PCYT1B: variants seen among roughly 807,000 people sequenced by gnomAD.
PCYT1B encodes phosphate cytidylyltransferase 1B, choline, also known as choline-phosphate cytidylyltransferase B.
PCYT1B carries 10 observed loss-of-function variants against 26.4 expected under a neutral mutation model. The ratio of observed to expected loss-of-function variants is 0.38; its 90% confidence interval spans 0.23 to 0.64. The LOEUF is 0.64. Ranked by LOEUF, PCYT1B falls within the 30% of genes least tolerant of loss-of-function variation. The pLI, the probability that PCYT1B is intolerant of heterozygous loss-of-function variation, is 0.56. For synonymous variants in PCYT1B, 131 were observed against 108.4 expected (o/e 1.21, Z -1.29); for missense variants, 161 against 292.7 (o/e 0.55, Z 3.28).
chrX:24,588,154 A>G (rs1228246388), intron 4 of PCYT1B, among the ~76,000 whole-genome samples: 3 of 108,393 alleles, frequency 2.8e-5, no homozygotes, highest in African/African-American at 1.0e-4. Flanking sequence ...TTCTGCTGGG[A>G]TGTGTGTGTG....
chrX:24,605,522 C>T (rs1420700050), intron 3 of PCYT1B, among the ~76,000 whole-genome samples: 3 of 112,255 alleles, frequency 2.7e-5, no homozygotes, highest in Non-Finnish European at 5.6e-5. Flanking sequence ...GACTGCCTCT[C>T]CCTCAGACTG....
intron 1 of PCYT1B, among the ~76,000 whole-genome samples, chrX:24,670,048 A>AAAAGAAAGAGAG (rs1927207322): frequency 5.2e-5 from 3 of 58,046 alleles, no homozygotes; most frequent in African/African-American, 1.8e-4. Flanking sequence ...GTCTCAAAAA[A>AAAAGAAAGAGAG]AAAGAAAGAA....
intron 1 of PCYT1B, among the ~76,000 whole-genome samples, chrX:24,667,551 T>C (rs1927152545): frequency 9.1e-6 from 1 of 110,470 alleles, no homozygotes; most frequent in South Asian, 4.0e-4. Context: ...ATCCCGTCTC[T>C]ACTAAAAGTA....
At chrX:24,602,885 C>T (rs1412602562) in intron 3 of PCYT1B, among the ~76,000 whole-genome samples, 2 of 111,122 alleles carry the variant, frequency 1.8e-5, no homozygotes, top group African/African-American at 6.5e-5. Context: ...CTCCCTGAAA[C>T]CTCCACCTCC....
chrX:24,620,763 G>A (rs964271058), intron 1 of PCYT1B, among the ~76,000 whole-genome samples: 5 of 112,417 alleles, frequency 4.4e-5, no homozygotes, highest in Non-Finnish European at 7.5e-5. Flanking sequence ...AACTGAAACT[G>A]TGGAAAAGCA....
intron 1 of PCYT1B, among the ~76,000 whole-genome samples, chrX:24,631,506 A>T (rs1230346968): frequency 9.0e-6 from 1 of 111,275 alleles, no homozygotes; most frequent in Non-Finnish European, 1.9e-5. Flanking sequence ...ATGACCTTTC[A>T]TTATAACGTG....
At chrX:24,664,668 C>T (rs1927090954) in intron 1 of PCYT1B, among the ~76,000 whole-genome samples, 1 of 112,027 alleles carries the variant, frequency 8.9e-6, no homozygotes, top group Admixed American at 9.5e-5. Flanking sequence ...TTAAAATAGC[C>T]CATCTTTGGC....
At chrX:24,651,475 ATATATATAT>A (rs1569257975), upstream of PCYT1B, among the ~76,000 whole-genome samples, 566 of 30,580 alleles carry the variant, frequency 0.019, 13 homozygotes, top group Non-Finnish European at 0.024. Flanking sequence ...AAAAAAAAAT[ATATATATAT>A]ATATATATAT....
intron 1 of PCYT1B, among the ~76,000 whole-genome samples, chrX:24,623,967 CTTTTT>C (rs1347821643): frequency 1.2e-5 from 1 of 85,260 alleles, no homozygotes. Flanking sequence ...CTAAGCTATA[CTTTTT>C]TTTTTTTTTT....
upstream of PCYT1B, among the ~76,000 whole-genome samples, chrX:24,648,043 T>C (rs1926683613): frequency 8.9e-6 from 1 of 112,374 alleles, no homozygotes; most frequent in South Asian, 3.7e-4. Context: ...CACTGTTCCA[T>C]GCACTGCTCT....
intron 1 of PCYT1B, among the ~76,000 whole-genome samples, chrX:24,619,788 C>T (rs1399446365): frequency 8.9e-6 from 1 of 112,629 alleles, no homozygotes; most frequent in Non-Finnish European, 1.9e-5. Context: ...GCTAGAGGCC[C>T]TGCCCCAGGC....
chrX:24,587,349 C>T, intron 4 of PCYT1B, 30 bp from the exon 5 acceptor site: 6 of 992,771 alleles, frequency 6.0e-6, no homozygotes, highest in Non-Finnish European at 8.6e-6. Context: ...GTGATGTCAC[C>T]ACTGGGATGG....
Position 24,561,104 on chromosome X carries a change from C to G in PCYT1B, c.*1189G>C, listed in dbSNP as rs1234917511. On this transcript the variant is annotated 3_prime_UTR_variant, in exon 8 of 8. Transcript: ENST00000379144. ...TATAGGAGGCCACGAGAACAAAATACTAATTTCCTGGTTGGGATAAAACGT... is the reference window on the plus strand; with the variant it reads ...TATAGGAGGCCACGAGAACAAAATAGTAATTTCCTGGTTGGGATAAAACGT... The G allele has an allele frequency of 8.9e-6, 1 of 112,650 alleles. No homozygotes were observed. Among genetic ancestry groups the G allele is most frequent in the African/African-American group, 3.2e-5 (1 of 30,888 alleles). 9.3% of individuals were successfully genotyped at this position (112,650 alleles called of 1,213,427 possible).
chrX:24,614,625 G>A (rs1411826095), intron 2 of PCYT1B, among the ~76,000 whole-genome samples: 3 of 112,240 alleles, frequency 2.7e-5, no homozygotes, highest in Non-Finnish European at 3.8e-5. Flanking sequence ...TTGAGGGCAC[G>A]CTCAAGACAG....
At chrX:24,573,404 A>G (rs983901999) in intron 7 of PCYT1B, among the ~76,000 whole-genome samples, 1 of 110,988 alleles carries the variant, frequency 9.0e-6, no homozygotes, top group Non-Finnish European at 1.9e-5. Context: ...GACCTCAGGT[A>G]ATCCATCCAC....
At chrX:24,580,295 A>G (rs2148227949) in intron 5 of PCYT1B, among the ~76,000 whole-genome samples, 1 of 112,983 alleles carries the variant, frequency 8.9e-6, no homozygotes, top group African/African-American at 3.2e-5. Context: ...GGTGCTCAAT[A>G]AATGGAAATT....
chrX:24,560,538 C>T lies in PCYT1B; in HGVS notation c.*1755G>A, dbSNP rs938255670. On this transcript the variant is annotated 3_prime_UTR_variant, in exon 8 of 8. Coordinates refer to ENST00000379144, the MANE Select transcript of PCYT1B (RefSeq NM_004845.5). ...GTCCCATATGAGTGCTTCCCAGAGT[C>T]CTGGAGAAGGAAAGTGCCAAGAACA... 8.9e-6 allele frequency: 1 copy of T among 112,139 alleles called. No homozygotes were observed. 9.2% of individuals were successfully genotyped at this position (112,139 alleles called of 1,213,427 possible). A position where few individuals can be genotyped will look rare whatever the true frequency, so the allele number is the denominator to read the frequency against.
At chrX:24,657,017 A>C (rs1926936481) in intron 1 of PCYT1B, among the ~76,000 whole-genome samples, 1 of 112,063 alleles carries the variant, frequency 8.9e-6, no homozygotes, top group Non-Finnish European at 1.9e-5. Context: ...TTTTTGCATA[A>C]ATTAAAGTTG....
At chrX:24,573,124 A>G (rs947690613) in intron 7 of PCYT1B, among the ~76,000 whole-genome samples, 19 of 24,588 alleles carry the variant, frequency 7.7e-4, no homozygotes, top group African/African-American at 2.6e-3. Context: ...CCACACATAT[A>G]CACACACATA....
Sources: allele counts gnomAD v4.1 joint callset (sites outside exome capture counted in the v4.1 genomes callset), GRCh38; gene constraint gnomAD v4.1.1; transcripts MANE v1.5; gene names NCBI Gene and HGNC (gene_info 2026-07-23, HGNC 2026-07-21).